Variants in KYAT3 observed in about 807,000 individuals in gnomAD.
KYAT3 encodes kynurenine aminotransferase 3.
In KYAT3, 50 loss-of-function variants were observed where a neutral mutation model predicts 59.0. That is an observed-to-expected ratio of 0.85 (90% CI 0.68 to 1.07). The LOEUF (loss-of-function observed/expected upper bound fraction) is 1.07. Among genes scored for constraint, KYAT3 ranks in the 50% least tolerant of loss-of-function variants. KYAT3 has a pLI of 0.00. For synonymous variants in KYAT3, 148 were observed against 177.0 expected, an observed-to-expected ratio of 0.84 and a Z score of 1.30; for missense variants, 497 against 533.3, an observed-to-expected ratio of 0.93 and a Z score of 0.67.
chr1:88,974,304 G>C lies in KYAT3; in HGVS notation c.100-4837C>G, dbSNP rs533586367. Among the ~76,000 whole-genome samples, 18 of 152,040 alleles carry C rather than the reference G, an allele frequency of 1.2e-4. No individual in the cohort carries two copies. In the South Asian group the frequency reaches 3.1e-3, roughly 26 times the overall value. ...TTTAATTGTCTCTTAACAAAGTACTGTATCTTAAGTATTTTATGAATTTTC... is the reference window on the plus strand; with the variant it reads ...TTTAATTGTCTCTTAACAAAGTACTCTATCTTAAGTATTTTATGAATTTTC... On this transcript the variant is annotated intron_variant, in intron 2 of 13. Transcript: ENST00000260508.
chr1:88,957,581 T>C (rs1675969178), intron 8 of KYAT3, among the ~76,000 whole-genome samples: 1 of 152,228 alleles, frequency 6.6e-6, no homozygotes, highest in Non-Finnish European at 1.5e-5. Context: ...TGAAATAGTG[T>C]ATCCATTTTT....
intron 2 of KYAT3, among the ~76,000 whole-genome samples, chr1:88,975,726 G>A (rs1003355488): frequency 2.0e-5 from 3 of 152,098 alleles, no homozygotes; most frequent in East Asian, 1.9e-4. Flanking sequence ...CATATATGAC[G>A]GTAGTCCCAT....
chr1:88,965,129 AT>A, intron 4 of KYAT3, 151 bp from the exon 5 acceptor site: 1 of 588,786 alleles, frequency 1.7e-6, no homozygotes. Flanking sequence ...ATGGCAATAA[AT>A]TTTTTAAAAT....
chr1:88,964,378 T>C (rs182696757), intron 5 of KYAT3, among the ~76,000 whole-genome samples: 1 of 152,304 alleles, frequency 6.6e-6, no homozygotes, highest in Admixed American at 6.5e-5. Flanking sequence ...TCTGCCCTTA[T>C]TTAAATAGGC....
chr1:88,922,386 A>C, the KYAT3 span, among the ~76,000 whole-genome samples: 1 of 152,326 alleles, frequency 6.6e-6, no homozygotes, highest in African/African-American at 2.4e-5. Context: ...AAATCACTTC[A>C]GACAGGGATT....
intron 2 of KYAT3, among the ~76,000 whole-genome samples, chr1:88,977,424 A>T (rs1676835159): frequency 6.6e-6 from 1 of 152,022 alleles, no homozygotes; most frequent in Non-Finnish European, 1.5e-5. Flanking sequence ...CTGGTCTCGA[A>T]CTCCTGACCT....
chr1:88,982,095 G>C, intron 2 of KYAT3: 3 of 986,910 alleles, frequency 3.0e-6, no homozygotes, highest in Non-Finnish European at 3.6e-6. Context: ...AAAATGGCCA[G>C]CATTATCCAT....
chr1:88,936,768 A>G (rs1410658320), intron 13 of KYAT3, among the ~76,000 whole-genome samples: 2 of 152,266 alleles, frequency 1.3e-5, no homozygotes, highest in African/African-American at 2.4e-5. Context: ...TGATTCATAC[A>G]TATAGCATAA....
At chr1:88,932,200 T>C (rs1230664936), downstream of KYAT3, among the ~76,000 whole-genome samples, 2 of 152,244 alleles carry the variant, frequency 1.3e-5, no homozygotes, top group South Asian at 4.1e-4. Flanking sequence ...AGAAACCCTA[T>C]GACAACAGTG....
intron 1 of KYAT3, among the ~76,000 whole-genome samples, chr1:88,992,009 T>TTG (rs1677830101): frequency 6.8e-6 from 1 of 148,062 alleles, no homozygotes; most frequent in East Asian, 2.0e-4. Context: ...GACGGAGTCT[T>TTG]GCTCTGTCGC....
chr1:88,931,659 G>A (rs993020693), downstream of KYAT3, among the ~76,000 whole-genome samples: 2 of 151,914 alleles, frequency 1.3e-5, no homozygotes, highest in African/African-American at 2.4e-5. Flanking sequence ...CTTTAAACAC[G>A]GGGCTTGCAA....
At chr1:88,982,820 G>C in intron 2 of KYAT3, 1 of 1,613,984 alleles carries the variant, frequency 6.2e-7, no homozygotes, top group Non-Finnish European at 8.5e-7. Context: ...GTCACAACTT[G>C]AGTAGAGATC....
At chr1:88,964,098 T>TTAC (rs1676249567) in intron 5 of KYAT3, among the ~76,000 whole-genome samples, 1 of 151,968 alleles carries the variant, frequency 6.6e-6, no homozygotes, top group East Asian at 1.9e-4. Context: ...AGCTACTCAG[T>TTAC]AGGCTGAGGC....
chr1:88,988,497 T>C, intron 1 of KYAT3, 146 bp from the exon 2 acceptor site: 2 of 508,268 alleles, frequency 3.9e-6, no homozygotes, highest in Non-Finnish European at 7.1e-6. Context: ...TCTTTCAAGT[T>C]TTCTTTCTAT....
intron 4 of KYAT3, among the ~76,000 whole-genome samples, chr1:88,966,306 A>G (rs1676349727): frequency 6.6e-6 from 1 of 152,216 alleles, no homozygotes; most frequent in Admixed American, 6.5e-5. Flanking sequence ...AAACCCTGCT[A>G]TAGACCAATT....
chr1:88,929,384 C>T, the KYAT3 span, among the ~76,000 whole-genome samples: 33 of 152,308 alleles, frequency 2.2e-4, 1 homozygote, highest in Middle Eastern at 0.01. Context: ...GAGTAGTTTA[C>T]AGTCCTGGAC....
chr1:88,944,204 A>C (rs1675349296), intron 11 of KYAT3, among the ~76,000 whole-genome samples: 1 of 152,210 alleles, frequency 6.6e-6, no homozygotes, highest in Non-Finnish European at 1.5e-5. Context: ...GAATGCCCTA[A>C]AGCAACTAAT....
intron 2 of KYAT3, among the ~76,000 whole-genome samples, chr1:88,972,298 G>A (rs145351505): frequency 4.0e-4 from 61 of 152,232 alleles, no homozygotes; most frequent in Non-Finnish European, 7.4e-4. Context: ...TGATTTAAAC[G>A]TTAATCTCAT....
At chr1:88,927,596 G>A in the KYAT3 span, among the ~76,000 whole-genome samples, 1 of 151,816 alleles carries the variant, frequency 6.6e-6, no homozygotes, top group Non-Finnish European at 1.5e-5. Context: ...AACCCAAATG[G>A]TCCAAGAGGA....
Sources: allele counts gnomAD v4.1 joint callset (sites outside exome capture counted in the v4.1 genomes callset), GRCh38; gene constraint gnomAD v4.1.1; transcripts MANE v1.5; gene names NCBI Gene and HGNC (gene_info 2026-07-23, HGNC 2026-07-21).